The following NCL variants were observed in gnomAD, a reference collection of about 807,000 sequenced individuals.
NCL encodes the protein nucleolin multifunctional protein.
In NCL, 4 loss-of-function variants were observed where a neutral mutation model predicts 77.7. The ratio of observed to expected loss-of-function variants is 0.05; its 90% confidence interval spans 0.03 to 0.12. NCL has a LOEUF of 0.12. Among genes scored for constraint, NCL ranks in the 10% least tolerant of loss-of-function variants. The probability of loss-of-function intolerance (pLI) is 1.00; values close to 1 mark genes in which losing one functional copy is unlikely to be tolerated. For missense variants in NCL, 763 were observed against 860.9 expected, an observed-to-expected ratio of 0.89 and a Z score of 1.42; for synonymous variants, 344 against 297.8, an observed-to-expected ratio of 1.16 and a Z score of -1.60.
chr2:231,459,134 T>C lies in NCL; in HGVS notation c.1041-9A>G. ...CCACATAACCAAATTTCCTTCAAGG[T>C]GGAGAGGAGGGCAAAATTACAACAG... On this transcript the variant is annotated splice_polypyrimidine_tract_variant and intron_variant, in intron 6 of 13. Transcript: ENST00000322723. The C allele has an allele frequency of 1.9e-6, 3 of 1,547,646 alleles. No homozygotes were observed. Among genetic ancestry groups the C allele is most frequent in the African/African-American group, 1.4e-5 (1 of 71,410 alleles).
chr2:231,463,518 C>G (rs2046971657), intron 1 of NCL: 1 of 560,334 alleles, frequency 1.8e-6, no homozygotes, highest in Admixed American at 3.6e-5. Context: ...TCCTCCCAGG[C>G]TTTACCAACA....
intron 13 of NCL, 64 bp downstream of exon 13, chr2:231,455,337 C>T (rs1405576649): frequency 7.4e-6 from 12 of 1,613,168 alleles, no homozygotes; most frequent in East Asian, 4.5e-5. Context: ...GATTAGGAAC[C>T]GTGACAGGGC....
rs190906814 is a variant in NCL at position 231,456,939 on chromosome 2, G to A, written c.1571+62C>T. 356 of 1,586,020 alleles carry A rather than the reference G, an allele frequency of 2.2e-4. 2 individuals are homozygous for A. The Admixed American group carries it at 5.4e-3, about 24-fold the overall frequency. On this transcript the variant is annotated intron_variant, in intron 10 of 13. Transcript: ENST00000322723. ...TTCTGACAGGATCACATGACCTTACGTTCCTTTAGACCTCTAAGACATATA... is the reference window on the plus strand; with the variant it reads ...TTCTGACAGGATCACATGACCTTACATTCCTTTAGACCTCTAAGACATATA...
Position 231,457,308 on chromosome 2 carries a change from G to A in NCL, c.1448-184C>T, listed in dbSNP as rs1575259370. 16 of 894,578 alleles carry A rather than the reference G, an allele frequency of 1.8e-5. No individual in the cohort carries two copies. The East Asian group carries it at 4.0e-4, about 22-fold the overall frequency. 55.4% of individuals were successfully genotyped at this position (894,578 alleles called of 1,614,324 possible). A position where few individuals can be genotyped will look rare whatever the true frequency, so the allele number is the denominator to read the frequency against. Reference sequence around the variant, plus strand: ...TACCTAGTACGTGTTGCAATGTCCTGCTGGTTGTTCTTACATAGGCTGATG... The same window carrying A: ...TACCTAGTACGTGTTGCAATGTCCTACTGGTTGTTCTTACATAGGCTGATG... On this transcript the variant is annotated intron_variant, in intron 9 of 13. Transcript: ENST00000322723.
In NCL at chr2:231,461,754, C is replaced by T. The variant is rs1361862394; in HGVS notation, c.399G>A (p.Gly133=). The T allele has an allele frequency of 6.2e-7, 1 of 1,614,208 alleles. No homozygotes were observed. The highest frequency in any genetic ancestry group is 8.5e-7 in the Non-Finnish European group (1 of 1,180,044). ...GKKGAAIPAK[G]AKNGKNAKKE... is the part of the protein sequence containing the mutation. ...TCTTGGCATTCTTGCCATTCTTTGC[C>T]CCCTTGGCTGGGATGGCAGCACCCT... Residue 133 remains glycine (G), a synonymous_variant, in exon 3 of 14, where the codon GGG becomes GGA. Coordinates refer to ENST00000322723, the MANE Select transcript of NCL (RefSeq NM_005381.3).
At position 231,457,689 on chromosome 2, in the gene NCL, T is replaced by C. The variant is rs142382567; in HGVS notation, c.1401A>G (p.Lys467=). 6.5e-5 allele frequency: 104 copies of C among 1,611,728 alleles called. 1 individual carries two copies. The highest frequency in any genetic ancestry group is 8.1e-5 in the Non-Finnish European group (96 of 1,178,704). Residue 467 remains lysine, a synonymous_variant, in exon 9 of 14, where the codon AAA becomes AAG. Coordinates refer to ENST00000322723, the MANE Select transcript of NCL (RefSeq NM_005381.3). ...CACCTCTATAGTCTTGATTTTGACC[T>C]TTCTCTCCAGTATAGTACAGGGAAA... The part of the protein sequence containing the change: ...RSISLYYTGE[K]GQNQDYRGGK...
At chr2:231,464,153 T>A (rs949796901) in intron 1 of NCL, 183 bp downstream of exon 1, 2 of 1,411,020 alleles carry the variant, frequency 1.4e-6, no homozygotes, top group Non-Finnish European at 1.9e-6. Context: ...CTGCAGAAGC[T>A]CTTCACCTCG....
chr2:231,461,599 T>C lies in NCL; in HGVS notation c.554A>G (p.Glu185Gly), dbSNP rs2046951942. Residue 185 changes from glutamate (E) to glycine (G), a missense_variant, in exon 3 of 14, where the codon GAG becomes GGG. Physicochemically the swap from Glu to Gly is moderately conservative, Grantham distance 98. This residue lies in a region of NCL where 590 missense variants were observed against 570.5 expected (regional missense o/e 1.03). Coordinates refer to ENST00000322723, the MANE Select transcript of NCL (RefSeq NM_005381.3). The part of the protein sequence containing the change: ...MKAAAAAPAS[E>G]DEDDEDDEDD... The stretch of plus-strand genomic sequence containing the variant: ...TTCGTCATCCTCATCGTCCTCATCC[T>C]CTGAGGCAGGGGCAGCAGCTGCTGC... 1 of 1,605,868 alleles carries C rather than the reference T, an allele frequency of 6.2e-7. No individual in the cohort carries two copies. Among genetic ancestry groups the C allele is most frequent in the East Asian group, 2.2e-5 (1 of 44,854 alleles).
chr2:231,454,976 T>C lies in NCL; in HGVS notation c.*215A>G. The C allele has an allele frequency of 3.7e-6, 2 of 533,638 alleles. No homozygotes were observed. The highest frequency in any genetic ancestry group is 3.3e-6 in the Non-Finnish European group (1 of 300,642). 33.1% of individuals were successfully genotyped at this position (533,638 alleles called of 1,614,324 possible). A position where few individuals can be genotyped will look rare whatever the true frequency, so the allele number is the denominator to read the frequency against. ...TCAAAACTTACAGATAAGGGTTAGC[T>C]CTATCACTCAACTCTTTAAAAAGTT... On this transcript the variant is annotated 3_prime_UTR_variant, in exon 14 of 14. Coordinates refer to ENST00000322723, the MANE Select transcript of NCL (RefSeq NM_005381.3).
intron 2 of NCL, chr2:231,462,492 A>G: frequency 2.1e-6 from 1 of 484,842 alleles, no homozygotes; most frequent in Non-Finnish European, 4.2e-6. Context: ...CAAAAAATGA[A>G]TAGGCTAAAT....
rs1233514032 is a variant in NCL at position 231,458,303 on chromosome 2, C to G, written c.1252G>C (p.Glu418Gln). The G allele has an allele frequency of 6.2e-7, 1 of 1,614,144 alleles. No individual in the cohort carries two copies. The highest frequency in any genetic ancestry group is 8.5e-7 in the Non-Finnish European group (1 of 1,180,000). Residue 418 changes from glutamate (E) to glutamine (Q), a missense_variant, in exon 8 of 14, where the codon GAG becomes CAG. This residue lies in a region of NCL where 590 missense variants were observed against 570.5 expected (regional missense o/e 1.03). Coordinates refer to ENST00000322723, the MANE Select transcript of NCL (RefSeq NM_005381.3). Reference protein sequence around the residue: ...ELKEVFEDAAEIRLVSKDGKS... With the variant: ...ELKEVFEDAAQIRLVSKDGKS... ...CCATCCTTGCTGACTAATCTGATCT[C>G]CGCAGCATCTTCAAACACTTCTTTC...
chr2:231,461,866 T>G lies in NCL; in HGVS notation c.287A>C (p.Lys96Thr). Residue 96 changes from lysine to threonine, a missense_variant, in exon 3 of 14, where the codon AAG (lysine) becomes ACG (threonine). Coordinates refer to ENST00000322723, the MANE Select transcript of NCL (RefSeq NM_005381.3). ...GKKAAATPAK[K>T]TVTPAKAVTT... ...AACTGCTTTGGCTGGTGTAACTGTC[T>G]TCTTGGCAGGTGTTGCTGCTGCCTT... 6.2e-7 allele frequency: 1 copy of G among 1,614,232 alleles called. No homozygotes were observed. Among genetic ancestry groups the G allele is most frequent in the Non-Finnish European group, 8.5e-7 (1 of 1,180,048 alleles).
intron 3 of NCL, 55 bp downstream of exon 3, chr2:231,461,485 A>G: frequency 6.3e-7 from 1 of 1,578,690 alleles, no homozygotes; most frequent in Non-Finnish European, 8.6e-7. Flanking sequence ...TTGATCCCAG[A>G]ATCTCAAGAT....
intron 8 of NCL, 150 bp downstream of exon 8, chr2:231,458,116 C>T (rs963340880): frequency 3.0e-6 from 3 of 1,016,184 alleles, no homozygotes; most frequent in Non-Finnish European, 4.2e-6. Flanking sequence ...ACATTATCCC[C>T]ATGGTACAGA....
In NCL at chr2:231,456,316, T is replaced by C. The variant is rs1003741182; in HGVS notation, c.1706-180A>G. 5 of 909,764 alleles carry C rather than the reference T, an allele frequency of 5.5e-6. No individual in the cohort carries two copies. The East Asian group carries it at 7.2e-5, about 13-fold the overall frequency. The allele number at this position is 909,764 out of a possible 1,614,324, so 56.4% of individuals were successfully genotyped here. Reference sequence around the variant, plus strand: ...GCTATTCTGGGTTTACATTTTTTAATTGCCATTGCATAGTTGATATCCTGC... The same window carrying C: ...GCTATTCTGGGTTTACATTTTTTAACTGCCATTGCATAGTTGATATCCTGC... On this transcript the variant is annotated intron_variant, in intron 11 of 13. Transcript: ENST00000322723.
chr2:231,459,615 T>C (rs1384254762), intron 6 of NCL, among the ~76,000 whole-genome samples: 2 of 150,650 alleles, frequency 1.3e-5, no homozygotes. Context: ...TAACACCAAA[T>C]TATTAAAACT....
At chr2:231,463,162 G>C (rs746207301) in intron 2 of NCL, 38 bp downstream of exon 2, 14 of 1,435,332 alleles carry the variant, frequency 9.8e-6, no homozygotes, top group African/African-American at 1.4e-5. Flanking sequence ...CCATTTTGTA[G>C]TTTTAACATA....
chr2:231,458,317 A>C lies in NCL; in HGVS notation c.1238T>G (p.Phe413Cys). ...KVTQDELKEV[F>C]EDAAEIRLVS... is the part of the protein sequence containing the mutation. ...TAATCTGATCTCCGCAGCATCTTCAAACACTTCTTTCAATTCATCCTGAGT... is the reference window on the plus strand; with the variant it reads ...TAATCTGATCTCCGCAGCATCTTCACACACTTCTTTCAATTCATCCTGAGT... The change falls in exon 8 of 14, where the codon TTT becomes TGT. Residue 413 changes from phenylalanine (F) to cysteine (C), a missense_variant. Transcript: ENST00000322723. 6.2e-7 allele frequency: 1 copy of C among 1,614,080 alleles called. No homozygotes were observed. Among genetic ancestry groups the C allele is most frequent in the Non-Finnish European group, 8.5e-7 (1 of 1,179,988 alleles).
At chr2:231,457,416 A>T in intron 9 of NCL, 1 of 749,462 alleles carries the variant, frequency 1.3e-6, no homozygotes, top group South Asian at 1.5e-5. Flanking sequence ...CTACAAAGGA[A>T]GCTTGATTTG....
Sources: gnomAD v4.1 joint callset for allele counts (sites outside exome capture counted in the v4.1 genomes callset) on GRCh38, gnomAD v4.1.1 for gene constraint, gnomAD v4.1.1 regional missense constraint, MANE v1.5 for transcripts, NCBI Gene and HGNC (gene_info 2026-07-23, HGNC 2026-07-21) for gene names.